SLC41A2: variants seen among roughly 807,000 people sequenced by gnomAD.
SLC41A2 encodes SLC41A1-like 1.
In SLC41A2, 32 loss-of-function variants were observed where a neutral mutation model predicts 58.3. The observed-to-expected ratio is 0.55, with a 90% CI of 0.41 to 0.74. The LOEUF is 0.74. Ranked by LOEUF, SLC41A2 falls within the 30% of genes least tolerant of loss-of-function variation. The pLI, the probability that SLC41A2 is intolerant of heterozygous loss-of-function variation, is 0.00. For missense variants in SLC41A2, 514 were observed against 680.6 expected, an observed-to-expected ratio of 0.76 and a Z score of 2.72; for synonymous variants, 190 against 235.0, an observed-to-expected ratio of 0.81 and a Z score of 1.75.
chr12:104,877,964 G>T (rs541387349), intron 6 of SLC41A2, among the ~76,000 whole-genome samples: 3 of 151,836 alleles, frequency 2.0e-5, no homozygotes, highest in Non-Finnish European at 4.4e-5. Context: ...AGCCAAGATC[G>T]TACCACTGCA....
intron 8 of SLC41A2, among the ~76,000 whole-genome samples, chr12:104,856,147 C>T (rs1413185272): frequency 6.6e-6 from 1 of 152,114 alleles, no homozygotes; most frequent in African/African-American, 2.4e-5. Flanking sequence ...CTTTGAAAAT[C>T]TCTGGATGAG....
chr12:104,828,334 A>C (rs147196308), intron 10 of SLC41A2, among the ~76,000 whole-genome samples: 1 of 152,200 alleles, frequency 6.6e-6, no homozygotes, highest in East Asian at 1.9e-4. Flanking sequence ...ACTTCCACTC[A>C]ATAAAACCTT....
rs955575282 is a variant in SLC41A2, at chr12:104,802,355, G to A, written c.*2797C>T. Among the ~76,000 whole-genome samples the A allele has an allele frequency of 6.6e-6, 1 of 152,090 alleles. No homozygotes were observed. The highest frequency in any genetic ancestry group is 1.5e-5 in the Non-Finnish European group (1 of 68,008). ...AGACTGATAATAGATTATTGTTGTG[G>A]GTAAATGAGTCATTTTATCTGTTGC... On this transcript the variant is annotated 3_prime_UTR_variant, in exon 11 of 11. Transcript: ENST00000258538.
chr12:104,862,268 A>G (rs2043240201), intron 7 of SLC41A2, among the ~76,000 whole-genome samples: 1 of 152,244 alleles, frequency 6.6e-6, no homozygotes, highest in Admixed American at 6.5e-5. Flanking sequence ...CTTTAGTAAA[A>G]TAAAGGAATT....
At chr12:104,809,872 C>G (rs1337114766) in intron 10 of SLC41A2, among the ~76,000 whole-genome samples, 1 of 152,116 alleles carries the variant, frequency 6.6e-6, no homozygotes, top group African/African-American at 2.4e-5. Context: ...CCATGGGACC[C>G]CCCCAGTGAG....
At chr12:104,870,161 G>A (rs2043692965) in intron 6 of SLC41A2, among the ~76,000 whole-genome samples, 1 of 152,090 alleles carries the variant, frequency 6.6e-6, no homozygotes, top group African/African-American at 2.4e-5. Flanking sequence ...TATAATTGCA[G>A]GTATAGGAGG....
In SLC41A2 at chr12:104,880,358, T is replaced by C. The variant is rs148184820; in HGVS notation, c.1027+5935A>G. Among the ~76,000 whole-genome samples, 636 of 152,274 alleles carry C rather than the reference T, an allele frequency of 4.2e-3. 4 individuals are homozygous for C. Among genetic ancestry groups the C allele is most frequent in the Non-Finnish European group, 4.9e-3 (331 of 68,022 alleles). On this transcript the variant is annotated intron_variant, in intron 6 of 10. Transcript: ENST00000258538. ...CCAGAACTTCCAACACTATGTTGAA[T>C]AGGAGTGGTGAGAGAGGGCATCCCT...
intron 7 of SLC41A2, among the ~76,000 whole-genome samples, chr12:104,862,683 G>A (rs938807267): frequency 6.6e-6 from 1 of 152,030 alleles, no homozygotes; most frequent in African/African-American, 2.4e-5. Context: ...AATAAAAATT[G>A]CACATATTTA....
At chr12:104,831,492 A>C (rs1464414657) in intron 10 of SLC41A2, among the ~76,000 whole-genome samples, 3 of 152,208 alleles carry the variant, frequency 2.0e-5, no homozygotes, top group Non-Finnish European at 4.4e-5. Flanking sequence ...GTTCTGTAAG[A>C]TTATAATACC....
At chr12:104,829,525 C>A (rs2041969331) in intron 10 of SLC41A2, among the ~76,000 whole-genome samples, 1 of 151,854 alleles carries the variant, frequency 6.6e-6, no homozygotes, top group South Asian at 2.1e-4. Flanking sequence ...CATGAGGAAA[C>A]CTTTTGGAGG....
chr12:104,824,056 G>C (rs565029915), intron 10 of SLC41A2, among the ~76,000 whole-genome samples: 1 of 152,064 alleles, frequency 6.6e-6, no homozygotes, highest in Non-Finnish European at 1.5e-5. Context: ...TAAATGATAC[G>C]GAAGAGGTGA....
At position 104,918,714 on chromosome 12, in the gene SLC41A2, T is replaced by C. The variant is rs763782123; in HGVS notation, c.556-8952A>G. Among the ~76,000 whole-genome samples the C allele has an allele frequency of 1.6e-3, 243 of 152,146 alleles. 5 individuals are homozygous for C. The highest frequency in any genetic ancestry group is 2.3e-3 in the Non-Finnish European group (156 of 67,968). On this transcript the variant is annotated intron_variant, in intron 2 of 10. Coordinates refer to ENST00000258538, the MANE Select transcript of SLC41A2 (RefSeq NM_001352171.3). The stretch of plus-strand genomic sequence containing the variant: ...GCATACAGCAGAGGACAGACTTTTT[T>C]CTCCATCACTTACTCTTTCATACTG...
At chr12:104,902,617 A>G (rs2045615928) in intron 3 of SLC41A2, among the ~76,000 whole-genome samples, 1 of 152,162 alleles carries the variant, frequency 6.6e-6, no homozygotes, top group Non-Finnish European at 1.5e-5. Flanking sequence ...AGGTACTAAA[A>G]TTTCAAGAAA....
At chr12:104,949,230 T>C (rs1007254503) in intron 1 of SLC41A2, among the ~76,000 whole-genome samples, 3 of 151,908 alleles carry the variant, frequency 2.0e-5, no homozygotes, top group African/African-American at 7.3e-5. Context: ...AATAAATAAA[T>C]AAATAAGTAA....
intron 8 of SLC41A2, among the ~76,000 whole-genome samples, chr12:104,846,389 C>T (rs1161261662): frequency 6.6e-6 from 1 of 152,210 alleles, no homozygotes; most frequent in African/African-American, 2.4e-5. Context: ...AAAAAATACT[C>T]ATTACCCTCT....
intron 3 of SLC41A2, among the ~76,000 whole-genome samples, chr12:104,907,288 C>T (rs1252382668): frequency 6.7e-6 from 1 of 149,146 alleles, no homozygotes; most frequent in Non-Finnish European, 1.5e-5. Flanking sequence ...TACTTTTCTG[C>T]TTCAGCCCAA....
rs1245587847 is a variant in SLC41A2, at chr12:104,803,354, A to G, written c.*1798T>C. 6.6e-6 allele frequency: 1 copy of G among 152,152 alleles called. No individual in the cohort carries two copies. The highest frequency in any genetic ancestry group is 1.5e-5 in the Non-Finnish European group (1 of 67,996). The allele number at this position is 152,152 out of a possible 1,614,324, so 9.4% of individuals were successfully genotyped here. ...ACTATGTAACATTATAACTCTCCAA[A>G]GGAGAAATTCTATAATTAGTTCAGT... On this transcript the variant is annotated 3_prime_UTR_variant, in exon 11 of 11. Coordinates refer to ENST00000258538, the MANE Select transcript of SLC41A2 (RefSeq NM_001352171.3).
chr12:104,947,164 C>T (rs1449748634), intron 1 of SLC41A2, among the ~76,000 whole-genome samples: 1 of 146,150 alleles, frequency 6.8e-6, no homozygotes, highest in African/African-American at 2.5e-5. Context: ...TTGTACGCTG[C>T]TGTACTGAAT....
At chr12:104,841,767 T>C (rs911502775) in intron 10 of SLC41A2, among the ~76,000 whole-genome samples, 10 of 152,014 alleles carry the variant, frequency 6.6e-5, no homozygotes, top group African/African-American at 1.9e-4. Flanking sequence ...ATTTAGTGGG[T>C]TGGGGAATTA....
Sources: allele counts gnomAD v4.1 joint callset (sites outside exome capture counted in the v4.1 genomes callset), GRCh38; gene constraint gnomAD v4.1.1; transcripts MANE v1.5; gene names NCBI Gene and HGNC (gene_info 2026-07-23, HGNC 2026-07-21).